The following RBFOX1 variants were observed in gnomAD, a reference collection of about 807,000 sequenced individuals.
The protein encoded by RBFOX1 is RNA binding protein fox-1 homolog 1.
Under a neutral mutation model 57.7 loss-of-function variants are expected in RBFOX1, and 8 were observed. The observed-to-expected ratio is 0.14, with a 90% CI of 0.08 to 0.25. The LOEUF (loss-of-function observed/expected upper bound fraction) is 0.25, where lower values mean the gene tolerates loss of function less well. Among genes scored for constraint, RBFOX1 ranks in the 10% least tolerant of loss-of-function variants. The pLI is 1.00. For missense variants in RBFOX1, 611 were observed against 548.5 expected, an observed-to-expected ratio of 1.11 and a Z score of -1.14; for synonymous variants, 326 against 222.4, an observed-to-expected ratio of 1.47 and a Z score of -4.15.
At chr16:7,294,614 T>C (rs1284224758) in intron 4 of RBFOX1, among the ~76,000 whole-genome samples, 2 of 152,130 alleles carry the variant, frequency 1.3e-5, no homozygotes, top group Non-Finnish European at 2.9e-5. Context: ...CCTGCTCTAA[T>C]TGAGTAAGGA....
In RBFOX1 at chr16:6,334,220, G is replaced by A. The variant is rs561353631; in HGVS notation, c.-64+17163G>A. Among the ~76,000 whole-genome samples the A allele has an allele frequency of 1.3e-4, 20 of 152,100 alleles. No homozygotes were observed. In the East Asian group the frequency reaches 2.7e-3, roughly 21 times the overall value. The stretch of plus-strand genomic sequence containing the variant: ...AGAAGTAGTTTTATTAAAAGTCAAC[G>A]AAAGTGGCCAGGTGTGGTGGCTCAC... On this transcript the variant is annotated intron_variant, in intron 2 of 15. Transcript: ENST00000550418.
At chr16:6,867,532 A>G (rs188629566) in intron 3 of RBFOX1, among the ~76,000 whole-genome samples, 1 of 152,146 alleles carries the variant, frequency 6.6e-6, no homozygotes, top group Non-Finnish European at 1.5e-5. Flanking sequence ...CAGCCTGGCC[A>G]ACATGGCAAA....
At chr16:5,954,476 C>G (rs1463867461) in intron 4 of RBFOX1, among the ~76,000 whole-genome samples, 3 of 152,144 alleles carry the variant, frequency 2.0e-5, no homozygotes, top group African/African-American at 7.2e-5. Flanking sequence ...ATTTTTCATC[C>G]TAATTTCAGA....
At position 6,952,883 on chromosome 16, in the gene RBFOX1, G is replaced by A. The variant is rs572543383; in HGVS notation, c.-15-99174G>A. Among the ~76,000 whole-genome samples the A allele has an allele frequency of 1.8e-4, 27 of 152,200 alleles. 1 individual carries two copies. In the South Asian group the frequency reaches 4.6e-3, roughly 26 times the overall value. On this transcript the variant is annotated intron_variant, in intron 3 of 15. Transcript: ENST00000550418. ...CCAGCTATTGGGGAGGCTGAGGCAG[G>A]AGAAGGGCTTGAACCCAGGTGGTGG...
At chr16:5,800,185 G>A (rs756584778) in intron 3 of RBFOX1, among the ~76,000 whole-genome samples, 1 of 152,116 alleles carries the variant, frequency 6.6e-6, no homozygotes, top group Non-Finnish European at 1.5e-5. Flanking sequence ...ATATGCTAAG[G>A]GTAAGGGAAG....
At chr16:7,139,998 G>T (rs578022851) in intron 4 of RBFOX1, among the ~76,000 whole-genome samples, 1 of 152,090 alleles carries the variant, frequency 6.6e-6, no homozygotes, top group Non-Finnish European at 1.5e-5. Context: ...GACTGCAGTG[G>T]ATCCCAGGAC....
intron 2 of RBFOX1, among the ~76,000 whole-genome samples, chr16:5,482,710 A>G (rs1485679084): frequency 6.6e-6 from 1 of 152,098 alleles, no homozygotes; most frequent in African/African-American, 2.4e-5. Flanking sequence ...ATCTGTACCT[A>G]CCATCCTTGC....
At chr16:6,075,954 T>C (rs2095892925) in intron 1 of RBFOX1, among the ~76,000 whole-genome samples, 1 of 152,190 alleles carries the variant, frequency 6.6e-6, no homozygotes, top group Non-Finnish European at 1.5e-5. Context: ...TAGTCCCATT[T>C]TACAGTAGAT....
At chr16:6,416,564 A>C (rs2093629847) in intron 2 of RBFOX1, among the ~76,000 whole-genome samples, 1 of 152,168 alleles carries the variant, frequency 6.6e-6, no homozygotes. Flanking sequence ...AACAGATAAG[A>C]AAGAGTGGCA....
chr16:5,690,906 C>G lies in RBFOX1; in HGVS notation c.318+91945C>G, dbSNP rs150245197. On this transcript the variant is annotated intron_variant, in intron 3 of 19. Transcript: ENST00000641259. ...CAAAACCCTGATTTGTTTGGGGGAA[C>G]TGCTCATTCCCAGTAGGTGACAGTT... Among the ~76,000 whole-genome samples the G allele has an allele frequency of 1.1e-3, 162 of 152,232 alleles. 1 individual carries two copies. In the Middle Eastern group the frequency reaches 0.017, roughly 16 times the overall value.
intron 4 of RBFOX1, among the ~76,000 whole-genome samples, chr16:5,893,818 AT>A (rs2058098534): frequency 6.6e-6 from 1 of 151,544 alleles, no homozygotes; most frequent in Admixed American, 6.6e-5. Context: ...AAAAAAAAAA[AT>A]CTCATGTAAC....
chr16:6,681,148 C>T (rs951447917), intron 3 of RBFOX1, among the ~76,000 whole-genome samples: 4 of 151,956 alleles, frequency 2.6e-5, no homozygotes, highest in Non-Finnish European at 5.9e-5. Context: ...CCCATCTCTA[C>T]TAAAAATACA....
In RBFOX1 at chr16:7,700,775, G is replaced by C. The variant is rs1371680148; in HGVS notation, c.996-8281G>C. On this transcript the variant is annotated intron_variant, in intron 14 of 15. Transcript: ENST00000550418. ...TGTCTTCTCTACTCCGAGAGTGGCT[G>C]CTATTCTGCTTTCCCTCAAATCTGC... Among the ~76,000 whole-genome samples, 3 of 152,162 alleles carry C rather than the reference G, an allele frequency of 2.0e-5. No individual in the cohort carries two copies. The East Asian group carries it at 5.8e-4, about 29-fold the overall frequency.
At chr16:5,361,376 G>C (rs146429042) in intron 1 of RBFOX1, among the ~76,000 whole-genome samples, 1 of 152,276 alleles carries the variant, frequency 6.6e-6, no homozygotes, top group Non-Finnish European at 1.5e-5. Context: ...TATAAGAAGT[G>C]CTAAAACAGC....
intron 3 of RBFOX1, among the ~76,000 whole-genome samples, chr16:6,933,244 G>C (rs2153478905): frequency 6.6e-6 from 1 of 152,284 alleles, no homozygotes; most frequent in East Asian, 1.9e-4. Flanking sequence ...CAGTTGTCTT[G>C]GGTGTATAGC....
At chr16:5,463,407 A>G (rs905932468) in intron 1 of RBFOX1, among the ~76,000 whole-genome samples, 5 of 152,188 alleles carry the variant, frequency 3.3e-5, no homozygotes, top group African/African-American at 1.2e-4. Flanking sequence ...TGAGCTTAGC[A>G]ATACTAGATT....
In RBFOX1 at chr16:6,019,541, A is replaced by T. The variant is rs1456014599; in HGVS notation, c.-578A>T. On this transcript the variant is annotated 5_prime_UTR_variant, in exon 1 of 16. Transcript: ENST00000550418. This position sits in a 1 kb window ranked among gnomAD's most constrained non-coding sequence, Gnocchi z 4.2. ...GCGGGGGCGCTCTGCCAGCCCCGGG[A>T]ACAGCAGAGGCGGCGGCACTGGCTG... The T allele has an allele frequency of 9.2e-7, 1 of 1,091,442 alleles. No homozygotes were observed. Among genetic ancestry groups the T allele is most frequent in the Non-Finnish European group, 1.1e-6 (1 of 898,524 alleles). The allele number at this position is 1,091,442 out of a possible 1,614,324, so 67.6% of individuals were successfully genotyped here.
chr16:7,234,563 T>C (rs2093671478), intron 4 of RBFOX1, among the ~76,000 whole-genome samples: 1 of 151,128 alleles, frequency 6.6e-6, no homozygotes, highest in Admixed American at 6.6e-5. Context: ...TGAAGTCTTC[T>C]GTTGCAAATG....
At chr16:5,962,212 C>G (rs946370144) in intron 4 of RBFOX1, among the ~76,000 whole-genome samples, 2 of 152,210 alleles carry the variant, frequency 1.3e-5, no homozygotes, top group African/African-American at 4.8e-5. Flanking sequence ...CACATTCACT[C>G]TTTATACCTA....
Sources: gnomAD v4.1 joint callset for allele counts (sites outside exome capture counted in the v4.1 genomes callset) on GRCh38, gnomAD v4.1.1 for gene constraint, Gnocchi (gnomAD v3.1) non-coding constraint, MANE v1.5 for transcripts, NCBI Gene and HGNC (gene_info 2026-07-23, HGNC 2026-07-21) for gene names.